Variants in A4GNT observed in about 807,000 individuals in gnomAD.
A4GNT encodes the protein alpha-1,4-N-acetylglucosaminyltransferase.
A4GNT carries 6 observed loss-of-function variants against 8.3 expected under a neutral mutation model. The ratio of observed to expected loss-of-function variants is 0.72; its 90% CI spans 0.39 to 1.42. A4GNT has a LOEUF of 1.42. A4GNT is among the 40% of genes most tolerant of loss of function. The pLI is 0.02. For missense variants in A4GNT, 377 were observed against 417.0 expected (o/e 0.90, Z 0.84); for synonymous variants, 157 against 159.8 (o/e 0.98, Z 0.13).
intron 2 of A4GNT, among the ~76,000 whole-genome samples, chr3:138,127,945 G>A (rs2042755720): frequency 6.6e-6 from 1 of 152,222 alleles, no homozygotes; most frequent in Non-Finnish European, 1.5e-5. Context: ...CTAGCTCAGA[G>A]CCCATCTTGC....
chr3:138,131,356 A>G, intron 1 of A4GNT, 74 bp from the exon 2 acceptor site: 1 of 1,177,108 alleles, frequency 8.5e-7, no homozygotes, highest in Non-Finnish European at 1.1e-6. Flanking sequence ...AAAATGATAC[A>G]TGAATATCAT....
chr3:138,131,213 A>G lies in A4GNT; in HGVS notation c.44T>C (p.Leu15Pro), dbSNP rs2042775459. Reference sequence around the variant, plus strand: ...GAACTGGTAGAGGAAGCCACAGACAAGCAGCAAGGTGACTGACAGGGAGAG... The same window carrying G: ...GAACTGGTAGAGGAAGCCACAGACAGGCAGCAAGGTGACTGACAGGGAGAG... ...LQLSLSVTLL[L>P]VCGFLYQFTL... The change falls in exon 2 of 3, where the codon CTT becomes CCT. Residue 15 changes from leucine (L) to proline (P), a missense_variant. Coordinates refer to ENST00000236709, the MANE Select transcript of A4GNT (RefSeq NM_016161.3). 2 of 1,604,528 alleles carry G rather than the reference A, an allele frequency of 1.2e-6. No homozygotes were observed. Among genetic ancestry groups the G allele is most frequent in the African/African-American group, 2.7e-5 (2 of 74,892 alleles).
chr3:138,131,016 A>C lies in A4GNT; in HGVS notation c.241T>G (p.Trp81Gly). The part of the protein sequence containing the change: ...VESAAKIYPE[W>G]PVVFFMKGLT... Reference sequence around the variant, plus strand: ...CCCTTCATAAAGAACACCACAGGCCACTCAGGATAAATCTTGGCAGCAGAC... The same window carrying C: ...CCCTTCATAAAGAACACCACAGGCCCCTCAGGATAAATCTTGGCAGCAGAC... The change falls in exon 2 of 3, where the codon TGG becomes GGG. Residue 81 changes from tryptophan to glycine, a missense_variant. Trp to Gly is a radical substitution (Grantham distance 184). Coordinates refer to ENST00000236709, the MANE Select transcript of A4GNT (RefSeq NM_016161.3). 1 of 1,614,126 alleles carries C rather than the reference A, an allele frequency of 6.2e-7. No individual in the cohort carries two copies. The highest frequency in any genetic ancestry group is 1.1e-5 in the South Asian group (1 of 91,076).
chr3:138,124,901 G>T, intron 2 of A4GNT, 23 bp from the exon 3 acceptor site: 1 of 1,596,528 alleles, frequency 6.3e-7, no homozygotes, highest in Non-Finnish European at 8.5e-7. Flanking sequence ...GTGCAAATCA[G>T]CCCCAAGTAG....
intron 1 of A4GNT, 86 bp from the exon 2 acceptor site, chr3:138,131,368 TAAAAACTTA>T: frequency 9.2e-7 from 1 of 1,083,082 alleles, no homozygotes; most frequent in African/African-American, 1.6e-5. Flanking sequence ...GAATATCATT[TAAAAACTTA>T]AATTTTAAAT....
At chr3:138,130,072 G>T (rs2622696) in intron 2 of A4GNT, among the ~76,000 whole-genome samples, 106,798 of 151,766 alleles carry the variant, frequency 0.7, 37,989 homozygotes, top group African/African-American at 0.81. Context: ...GTGTGTTGTA[G>T]AGTTCTTTCA....
At chr3:138,132,029 T>C (rs898816563) in intron 1 of A4GNT, among the ~76,000 whole-genome samples, 183 bp downstream of exon 1, 1 of 152,164 alleles carries the variant, frequency 6.6e-6, no homozygotes, top group African/African-American at 2.4e-5. Context: ...GAGGCAAAAG[T>C]ATCTCTAGGT....
At chr3:138,131,836 A>C (rs956968453) in intron 1 of A4GNT, among the ~76,000 whole-genome samples, 1 of 152,182 alleles carries the variant, frequency 6.6e-6, no homozygotes, top group African/African-American at 2.4e-5. Context: ...GATTTTAAAC[A>C]ATGTCTACCA....
Position 138,124,698 on chromosome 3 carries a change from A to G in A4GNT, c.589T>C (p.Phe197Leu). ...SRYSSNGIFGFLPHHPFLWEC... is the reference protein window; with the variant it reads ...SRYSSNGIFGLLPHHPFLWEC... ...CACAAAAAGGGGTGGTGGGGGAGGA[A>G]CCCAAATATTCCATTACTAGAGTAC... Residue 197 changes from phenylalanine (F) to leucine (L), a missense_variant, in exon 3 of 3, where the codon TTC becomes CTC. Physicochemically the swap from Phe to Leu is conservative, Grantham distance 22 (BLOSUM62 0). Coordinates refer to ENST00000236709, the MANE Select transcript of A4GNT (RefSeq NM_016161.3). 6.2e-7 allele frequency: 1 copy of G among 1,614,156 alleles called. No homozygotes were observed. The highest frequency in any genetic ancestry group is 8.5e-7 in the Non-Finnish European group (1 of 1,180,032).
At chr3:138,127,309 C>T (rs2042751599) in intron 2 of A4GNT, among the ~76,000 whole-genome samples, 1 of 151,782 alleles carries the variant, frequency 6.6e-6, no homozygotes. Flanking sequence ...GGCACAGTGG[C>T]TTACACCTAT....
Position 138,124,299 on chromosome 3 carries a change from A to T in A4GNT, c.988T>A (p.Ser330Thr). Residue 330 changes from serine (S) to threonine (T), a missense_variant, in exon 3 of 3, where the codon TCA (serine) becomes ACA (threonine). Transcript: ENST00000236709. ...YRDLIKGPEG[S>T]VTGELGPGNK The stretch of plus-strand genomic sequence containing the variant: ...CCTGGACCCAGCTCCCCAGTCACTG[A>T]CCCCTCTGGGCCTTTAATCAGGTCC... 1 of 1,614,038 alleles carries T rather than the reference A, an allele frequency of 6.2e-7. No homozygotes were observed. The highest frequency in any genetic ancestry group is 8.5e-7 in the Non-Finnish European group (1 of 1,179,992).
At position 138,131,050 on chromosome 3, in the gene A4GNT, A is replaced by C. The variant is rs1275561747; in HGVS notation, c.207T>G (p.Cys69Trp). ...AAATCTTGGCAGCAGACTCTACGGAACAGGAGACCAAATGGGGTGGCTCCA... is the reference window on the plus strand; with the variant it reads ...AAATCTTGGCAGCAGACTCTACGGACCAGGAGACCAAATGGGGTGGCTCCA... ...ERMEPPHLVSCSVESAAKIYP... is the reference protein window; with the variant it reads ...ERMEPPHLVSWSVESAAKIYP... Residue 69 changes from cysteine to tryptophan, a missense_variant, in exon 2 of 3, where the codon TGT (cysteine) becomes TGG (tryptophan). Cys to Trp is a radical substitution (Grantham distance 215). Transcript: ENST00000236709. 1.2e-6 allele frequency: 2 copies of C among 1,613,974 alleles called. No homozygotes were observed. The highest frequency in any genetic ancestry group is 3.3e-5 in the Admixed American group (2 of 60,000).
At chr3:138,126,715 A>G (rs2042746577) in intron 2 of A4GNT, among the ~76,000 whole-genome samples, 2 of 150,508 alleles carry the variant, frequency 1.3e-5, no homozygotes, top group African/African-American at 2.4e-5. Flanking sequence ...AATCCCAGCT[A>G]CTAGGGAGGC....
At chr3:138,127,588 CAA>C (rs2042753902) in intron 2 of A4GNT, among the ~76,000 whole-genome samples, 1 of 149,080 alleles carries the variant, frequency 6.7e-6, no homozygotes, top group Non-Finnish European at 1.5e-5. Context: ...AAAAAAAAAA[CAA>C]AAAACATAAG....
Position 138,131,267 on chromosome 3 carries a change from C to G in A4GNT, c.-11G>C, listed in dbSNP as rs1378536959. On this transcript the variant is annotated 5_prime_UTR_variant, in exon 2 of 3. Coordinates refer to ENST00000236709, the MANE Select transcript of A4GNT (RefSeq NM_016161.3). ...GAGCTCCTTCCGCATGTCCTCTTCT[C>G]TGTGCCAGCCTGCTCCTTTAAATCA... is the stretch of plus-strand genomic sequence containing the variant. 7 of 1,536,752 alleles carry G rather than the reference C, an allele frequency of 4.6e-6. No individual in the cohort carries two copies.
Position 138,129,665 on chromosome 3 carries a change from C to T in A4GNT, c.408+1184G>A, listed in dbSNP as rs112861686. Among the ~76,000 whole-genome samples, 1,009 of 152,256 alleles carry T rather than the reference C, an allele frequency of 6.6e-3. 10 individuals carry two copies. The highest frequency in any genetic ancestry group is 0.022 in the African/African-American group (932 of 41,548). Reference sequence around the variant, plus strand: ...ACCTTCATAATATCCTCAATTTTACCACCTTAGCCCACAAGGCCGAAAATA... The same window carrying T: ...ACCTTCATAATATCCTCAATTTTACTACCTTAGCCCACAAGGCCGAAAATA... On this transcript the variant is annotated intron_variant, in intron 2 of 2. Transcript: ENST00000236709.
At chr3:138,128,870 C>G (rs2042760899) in intron 2 of A4GNT, among the ~76,000 whole-genome samples, 1 of 152,014 alleles carries the variant, frequency 6.6e-6, no homozygotes, top group African/African-American at 2.4e-5. Flanking sequence ...GCTGCCAACA[C>G]AGTGAAAACT....
intron 2 of A4GNT, among the ~76,000 whole-genome samples, chr3:138,129,625 G>T (rs954044216): frequency 1.3e-5 from 2 of 152,268 alleles, no homozygotes; most frequent in African/African-American, 4.8e-5. Flanking sequence ...ACAGACGGAA[G>T]AAACTACCAC....
At chr3:138,132,435 C>T (rs1052724472), upstream of A4GNT, 4 of 152,198 alleles carry the variant, frequency 2.6e-5, no homozygotes, top group Non-Finnish European at 4.4e-5. Context: ...ACCCAATCTT[C>T]CAACTCAACA....
Sources: allele counts gnomAD v4.1 joint callset (sites outside exome capture counted in the v4.1 genomes callset), GRCh38; gene constraint gnomAD v4.1.1; transcripts MANE v1.5; gene names NCBI Gene and HGNC (gene_info 2026-07-23, HGNC 2026-07-21).